SMARCC1: variants seen among roughly 807,000 people sequenced by gnomAD.
SMARCC1 encodes the protein SWI/SNF related BAF chromatin remodeling complex subunit C1, also known as SWI/SNF complex subunit SMARCC1.
SMARCC1 carries 43 observed loss-of-function variants against 147.4 expected under a neutral mutation model. The ratio of observed to expected loss-of-function variants is 0.29; its 90% CI spans 0.23 to 0.38. The LOEUF (loss-of-function observed/expected upper bound fraction) is 0.38. SMARCC1 is among the 10% of genes least tolerant of loss of function. The pLI is 1.00. For missense variants in SMARCC1, 1,119 were observed against 1,381.1 expected (o/e 0.81, Z 3.01); for synonymous variants, 495 against 484.4 (o/e 1.02, Z -0.29).
rs2033719571 is a variant in SMARCC1, at chr3:47,686,133, G to A, written c.1301C>T (p.Ser434Leu). The A allele has an allele frequency of 6.2e-7, 1 of 1,611,142 alleles. No individual in the cohort carries two copies. The highest frequency in any genetic ancestry group is 1.1e-5 in the South Asian group (1 of 90,984). ...EDPAKGDQSR[S>L]VDLGEDNVTE... ...CACATTATCTTCCCCAAGGTCAACT[G>A]ATCGACTCTGATCACCTTTGGCAGG... is the stretch of plus-strand genomic sequence containing the variant. Residue 434 changes from serine (S) to leucine (L), a missense_variant, in exon 14 of 28, where the codon TCA (serine) becomes TTA (leucine). This residue lies in a region of SMARCC1 where 542 missense variants were observed against 611.8 expected (regional missense o/e 0.89). Coordinates refer to ENST00000254480, the MANE Select transcript of SMARCC1 (RefSeq NM_003074.4).
intron 2 of SMARCC1, among the ~76,000 whole-genome samples, chr3:47,752,466 T>C (rs2034639424): frequency 6.6e-6 from 1 of 152,144 alleles, no homozygotes; most frequent in Non-Finnish European, 1.5e-5. Flanking sequence ...AGCAAATACT[T>C]GTTAATTCGT....
intron 21 of SMARCC1, among the ~76,000 whole-genome samples, chr3:47,647,682 A>G (rs990775111): frequency 6.6e-6 from 1 of 152,204 alleles, no homozygotes; most frequent in African/African-American, 2.4e-5. Context: ...GAACAGAATG[A>G]AGCACATGGC....
At chr3:47,656,994 T>C (rs897087281) in intron 21 of SMARCC1, among the ~76,000 whole-genome samples, 5 of 152,100 alleles carry the variant, frequency 3.3e-5, no homozygotes, top group South Asian at 2.1e-4. Context: ...TCAGGTAAGA[T>C]AGACTTTAAG....
At chr3:47,714,074 A>AT (rs1374683829) in intron 8 of SMARCC1, among the ~76,000 whole-genome samples, 1 of 152,158 alleles carries the variant, frequency 6.6e-6, no homozygotes, top group Non-Finnish European at 1.5e-5. Flanking sequence ...TATTGTAAGA[A>AT]TTTTTTTGGC....
intron 13 of SMARCC1, 83 bp from the exon 14 acceptor site, chr3:47,686,253 G>C: frequency 3.6e-6 from 4 of 1,124,166 alleles, no homozygotes; most frequent in Non-Finnish European, 5.0e-6. Context: ...TCAGTTGTTA[G>C]GTTAAATAAA....
At chr3:47,749,724 C>A (rs1342851652) in intron 2 of SMARCC1, among the ~76,000 whole-genome samples, 3 of 114,108 alleles carry the variant, frequency 2.6e-5, no homozygotes, top group Admixed American at 9.6e-5. Context: ...CACACACACA[C>A]AGAGAAAGAG....
At position 47,701,739 on chromosome 3, in the gene SMARCC1, G is replaced by A. The variant is rs144990237; in HGVS notation, c.1041-337C>T. The A allele has an allele frequency of 1.8e-3, 390 of 211,244 alleles. 2 individuals carry two copies. The highest frequency in any genetic ancestry group is 8.8e-3 in the African/African-American group (373 of 42,222). The allele number at this position is 211,244 out of a possible 1,614,324, so 13.1% of individuals were successfully genotyped here. A position where few individuals can be genotyped will look rare whatever the true frequency, so the allele number is the denominator to read the frequency against. The stretch of plus-strand genomic sequence containing the variant: ...TGAGGTAGGAGAATCGCTTGAACCC[G>A]GAAGGTGGAGGTTGGAGTGAGCTGA... On this transcript the variant is annotated intron_variant, in intron 10 of 27. Coordinates refer to ENST00000254480, the MANE Select transcript of SMARCC1 (RefSeq NM_003074.4).
chr3:47,609,166 A>G (rs1383359274), intron 26 of SMARCC1, among the ~76,000 whole-genome samples: 1 of 152,176 alleles, frequency 6.6e-6, no homozygotes, highest in African/African-American at 2.4e-5. Context: ...AGGAATTATG[A>G]TTACTTTTGT....
intron 1 of SMARCC1, among the ~76,000 whole-genome samples, chr3:47,774,995 G>A (rs1056619462): frequency 1.3e-5 from 2 of 151,748 alleles, no homozygotes; most frequent in African/African-American, 4.8e-5. Flanking sequence ...GTACACAACC[G>A]TTTTCACCAA....
intron 25 of SMARCC1, among the ~76,000 whole-genome samples, chr3:47,620,236 GCA>G: frequency 1.3e-5 from 2 of 152,250 alleles, no homozygotes; most frequent in African/African-American, 4.8e-5. Flanking sequence ...GCTGAGGCAG[GCA>G]GACTGCCTGA....
intron 24 of SMARCC1, among the ~76,000 whole-genome samples, chr3:47,633,355 A>G (rs1240051266): frequency 6.6e-6 from 1 of 152,162 alleles, no homozygotes; most frequent in Non-Finnish European, 1.5e-5. Context: ...ATGGAAAATG[A>G]TGGAACCAGG....
chr3:47,779,264 A>G (rs1157086708), intron 1 of SMARCC1, among the ~76,000 whole-genome samples: 2 of 152,204 alleles, frequency 1.3e-5, no homozygotes, highest in Admixed American at 1.3e-4. Flanking sequence ...ATAAATAAAA[A>G]ATGACACTAA....
chr3:47,737,132 C>A (rs2106830290), intron 4 of SMARCC1, among the ~76,000 whole-genome samples: 1 of 152,280 alleles, frequency 6.6e-6, no homozygotes, highest in African/African-American at 2.4e-5. Context: ...GTGGTTCATG[C>A]CTGTAATCCC....
At chr3:47,746,767 G>A in intron 2 of SMARCC1, among the ~76,000 whole-genome samples, 1 of 88,588 alleles carries the variant, frequency 1.1e-5, no homozygotes, top group Non-Finnish European at 2.3e-5. Flanking sequence ...TTTTGCTTTT[G>A]TTGCCCAGGC....
intron 2 of SMARCC1, among the ~76,000 whole-genome samples, chr3:47,755,572 A>C (rs976103652): frequency 1.3e-5 from 2 of 151,738 alleles, no homozygotes; most frequent in African/African-American, 4.8e-5. Context: ...TTAAAATGTA[A>C]AACAGGCCAG....
chr3:47,743,202 C>T (rs543117260), intron 3 of SMARCC1, among the ~76,000 whole-genome samples: 4 of 152,250 alleles, frequency 2.6e-5, no homozygotes, highest in South Asian at 2.1e-4. Context: ...ATTCAGATAT[C>T]CAAACAGAGT....
intron 2 of SMARCC1, among the ~76,000 whole-genome samples, chr3:47,754,929 G>A (rs2034671938): frequency 6.6e-6 from 1 of 152,118 alleles, no homozygotes. Flanking sequence ...TGTAATCCCA[G>A]CTACTTGGAA....
chr3:47,675,693 A>C, intron 17 of SMARCC1, 105 bp from the exon 18 acceptor site: 1 of 595,194 alleles, frequency 1.7e-6, no homozygotes, highest in African/African-American at 1.9e-5. Flanking sequence ...CACACCTATA[A>C]TCCCAGCACT....
intron 2 of SMARCC1, among the ~76,000 whole-genome samples, chr3:47,748,955 G>C (rs1410227140): frequency 6.6e-6 from 1 of 151,034 alleles, no homozygotes; most frequent in African/African-American, 2.4e-5. Flanking sequence ...GGATCACTTG[G>C]GCCCAAGAGT....
Sources: gnomAD v4.1 joint callset for allele counts (sites outside exome capture counted in the v4.1 genomes callset) on GRCh38, gnomAD v4.1.1 for gene constraint, gnomAD v4.1.1 regional missense constraint, MANE v1.5 for transcripts, NCBI Gene and HGNC (gene_info 2026-07-23, HGNC 2026-07-21) for gene names.